Variants in NLK observed in about 807,000 individuals in gnomAD.
The protein encoded by NLK is serine/threonine-protein kinase NLK.
A neutral mutation model predicts 59.0 loss-of-function variants in NLK; 11 were observed. That is an observed-to-expected ratio of 0.19 (90% CI 0.12 to 0.31). NLK has a LOEUF of 0.31. Ranked by LOEUF, NLK falls within the 10% of genes least tolerant of loss-of-function variation. The probability of loss-of-function intolerance (pLI) is 1.00; values close to 1 mark genes in which losing one functional copy is unlikely to be tolerated. For missense variants in NLK, 410 were observed against 661.1 expected, an observed-to-expected ratio of 0.62 and a Z score of 4.16; for synonymous variants, 235 against 235.9, an observed-to-expected ratio of 1.00 and a Z score of 0.03.
Position 28,042,772 on chromosome 17 carries a change from T to A in NLK, c.-102T>A, listed in dbSNP as rs2142725384. On this transcript the variant is annotated 5_prime_UTR_variant, in exon 1 of 11. Transcript: ENST00000407008. ...GGATTGACTGATGAAGACATAAAGC[T>A]CTATGTTTTTTGAGGTGGAGTGAGT... The A allele has an allele frequency of 9.5e-7, 1 of 1,047,368 alleles. No homozygotes were observed. Among genetic ancestry groups the A allele is most frequent in the Middle Eastern group, 2.1e-4 (1 of 4,784 alleles). 64.9% of individuals were successfully genotyped at this position (1,047,368 alleles called of 1,614,324 possible). A position where few individuals can be genotyped will look rare whatever the true frequency, so the allele number is the denominator to read the frequency against.
At chr17:28,169,280 C>T (rs1908367425) in intron 6 of NLK, among the ~76,000 whole-genome samples, 1 of 152,214 alleles carries the variant, frequency 6.6e-6, no homozygotes, top group South Asian at 2.1e-4. Flanking sequence ...GCCTCTCTTC[C>T]TTCTAAGTGA....
rs532992639 is a variant in NLK, at chr17:28,145,007, T to G, written c.644+12332T>G. ...TTATGTGCTGCTTGTATTATTTTGC[T>G]CTCTGCATATTCTATGCCTGTCATT... On this transcript the variant is annotated intron_variant, in intron 3 of 10. Coordinates refer to ENST00000407008, the MANE Select transcript of NLK (RefSeq NM_016231.5). Among the ~76,000 whole-genome samples, 74 of 152,374 alleles carry G rather than the reference T, an allele frequency of 4.9e-4. 1 individual carries two copies. The highest frequency in any genetic ancestry group is 1.7e-3 in the African/African-American group (70 of 41,594).
At chr17:28,189,361 A>G (rs933184564) in intron 8 of NLK, among the ~76,000 whole-genome samples, 1 of 152,188 alleles carries the variant, frequency 6.6e-6, no homozygotes, top group Non-Finnish European at 1.5e-5. Context: ...TATTGTTGAA[A>G]ATGTCAAAAA....
intron 1 of NLK, among the ~76,000 whole-genome samples, chr17:28,120,366 C>G (rs965596731): frequency 6.6e-6 from 1 of 151,858 alleles, no homozygotes; most frequent in African/African-American, 2.4e-5. Context: ...TCTCAGCCTC[C>G]CAAAGTGCTG....
chr17:28,166,113 G>A (rs1267547100), intron 5 of NLK, among the ~76,000 whole-genome samples: 1 of 152,110 alleles, frequency 6.6e-6, no homozygotes, highest in African/African-American at 2.4e-5. Context: ...TGCTCAGGAG[G>A]CAGAGACACG....
chr17:28,132,643 C>G lies in NLK; in HGVS notation c.612C>G (p.Leu204=). 1 of 1,610,634 alleles carries G rather than the reference C, an allele frequency of 6.2e-7. No homozygotes were observed. The highest frequency in any genetic ancestry group is 8.5e-7 in the Non-Finnish European group (1 of 1,178,194). Residue 204 remains leucine (L), a synonymous_variant, in exon 3 of 11, where the codon CTC becomes CTG. Coordinates refer to ENST00000407008, the MANE Select transcript of NLK (RefSeq NM_016231.5). The part of the protein sequence containing the change: ...HDNVLSALDI[L]QPPHIDYFEE... ...AGGTACTCTCTGCCCTTGACATACTCCAACCTCCACACATTGACTATTTTG... is the reference window on the plus strand; with the variant it reads ...AGGTACTCTCTGCCCTTGACATACTGCAACCTCCACACATTGACTATTTTG...
chr17:28,058,008 G>A lies in NLK; in HGVS notation c.458+14677G>A, dbSNP rs998968530. Among the ~76,000 whole-genome samples the A allele has an allele frequency of 4.6e-5, 7 of 152,186 alleles. No homozygotes were observed. The East Asian group carries it at 1.3e-3, about 29-fold the overall frequency. ...ACAATATAAGATACTATGTTTACAA[G>A]AAATCCAATGACAGCAAGGCTTTAA... On this transcript the variant is annotated intron_variant, in intron 1 of 10. Coordinates refer to ENST00000407008, the MANE Select transcript of NLK (RefSeq NM_016231.5).
rs1422504928 is a variant in NLK at position 28,132,634 on chromosome 17, T to C, written c.603T>C (p.Leu201=). ...CCTTTTCTCAGGTACTCTCTGCCCT[T>C]GACATACTCCAACCTCCACACATTG... ...FFKHDNVLSA[L]DILQPPHIDY... Residue 201 remains leucine (L), a synonymous_variant, in exon 3 of 11, where the codon CTT becomes CTC. Transcript: ENST00000407008. 1 of 1,610,692 alleles carries C rather than the reference T, an allele frequency of 6.2e-7. No homozygotes were observed. Among genetic ancestry groups the C allele is most frequent in the East Asian group, 2.2e-5 (1 of 44,810 alleles).
At chr17:28,190,314 T>C (rs569036235) in intron 8 of NLK, among the ~76,000 whole-genome samples, 1 of 152,342 alleles carries the variant, frequency 6.6e-6, no homozygotes, top group East Asian at 1.9e-4. Flanking sequence ...GCATTCAGTA[T>C]TCTGATCTAA....
chr17:28,073,749 T>C (rs1410354715), intron 1 of NLK, among the ~76,000 whole-genome samples: 1 of 152,178 alleles, frequency 6.6e-6, no homozygotes, highest in Admixed American at 6.5e-5. Context: ...ATTCTCCCCA[T>C]CTGGCTCAAC....
At chr17:28,048,821 T>G (rs1909150692) in intron 1 of NLK, 1 of 152,350 alleles carries the variant, frequency 6.6e-6, no homozygotes. Context: ...GTATGTTTCC[T>G]TAACATGCTT....
intron 1 of NLK, among the ~76,000 whole-genome samples, chr17:28,120,258 GTGTGTGTGTGTGTGTA>G (rs1905978252): frequency 7.8e-6 from 1 of 128,264 alleles, no homozygotes; most frequent in African/African-American, 2.9e-5. Context: ...GTGTGTGTGT[GTGTGTGTGTGTGTGTA>G]TGTGTGTGTG....
chr17:28,162,014 C>G (rs904813723), intron 4 of NLK, among the ~76,000 whole-genome samples: 1 of 151,824 alleles, frequency 6.6e-6, no homozygotes, highest in African/African-American at 2.4e-5. Flanking sequence ...AGGATGAAAA[C>G]ACATAAGCAA....
At chr17:28,143,807 C>G (rs1338265586) in intron 3 of NLK, among the ~76,000 whole-genome samples, 2 of 152,206 alleles carry the variant, frequency 1.3e-5, no homozygotes, top group Non-Finnish European at 1.5e-5. Flanking sequence ...TAGTTTTTTA[C>G]ATAAGACAGT....
chr17:28,151,917 C>T (rs549758840), intron 3 of NLK, among the ~76,000 whole-genome samples: 7 of 152,194 alleles, frequency 4.6e-5, no homozygotes, highest in African/African-American at 7.2e-5. Context: ...AAATTATGTA[C>T]GTGTGTATGT....
intron 2 of NLK, 87 bp downstream of exon 2, chr17:28,122,819 C>T: frequency 6.8e-6 from 10 of 1,466,354 alleles, no homozygotes; most frequent in South Asian, 2.5e-5. Context: ...TAAAAGGGCA[C>T]CTATAAGTAA....
chr17:28,112,829 T>G (rs954729383), intron 1 of NLK, among the ~76,000 whole-genome samples: 1 of 152,190 alleles, frequency 6.6e-6, no homozygotes, highest in South Asian at 2.1e-4. Flanking sequence ...CGCTTTCCTG[T>G]GGAATGCTTC....
intron 7 of NLK, among the ~76,000 whole-genome samples, chr17:28,177,937 A>G (rs922589938): frequency 1.3e-5 from 2 of 152,182 alleles, no homozygotes; most frequent in Non-Finnish European, 2.9e-5. Flanking sequence ...TTGTCCAGAA[A>G]TCACATCGAT....
chr17:28,073,279 C>A (rs1164269411), intron 1 of NLK, among the ~76,000 whole-genome samples: 1 of 152,116 alleles, frequency 6.6e-6, no homozygotes, highest in Non-Finnish European at 1.5e-5. Context: ...AGGATGCAGA[C>A]TTTTGGGAGG....
Sources: gnomAD v4.1 joint callset for allele counts (sites outside exome capture counted in the v4.1 genomes callset) on GRCh38, gnomAD v4.1.1 for gene constraint, MANE v1.5 for transcripts, NCBI Gene and HGNC (gene_info 2026-07-23, HGNC 2026-07-21) for gene names.